NR3C1: variants seen among roughly 807,000 people sequenced by gnomAD.
NR3C1 encodes the protein glucocorticoid receptor.
In NR3C1, 14 loss-of-function variants were observed where a neutral mutation model predicts 74.0. That is an observed-to-expected ratio of 0.19 (90% CI 0.12 to 0.30). NR3C1 has a LOEUF of 0.30. Ranked by LOEUF, NR3C1 falls within the 10% of genes least tolerant of loss-of-function variation. NR3C1 has a pLI of 1.00. For missense variants in NR3C1, 695 were observed against 909.8 expected (o/e 0.76, Z 3.04); for synonymous variants, 308 against 332.5 (o/e 0.93, Z 0.80).
chr5:143,282,191 CAAA>C (rs905360069), intron 8 of NR3C1, 150 bp from the exon 9 acceptor site: 1 of 768,002 alleles, frequency 1.3e-6, no homozygotes, highest in Non-Finnish European at 2.2e-6. Context: ...CACTTCCGTA[CAAA>C]ACACATTTTA....
Position 143,398,356 on chromosome 5 carries a change from G to GTTTTTT in NR3C1, c.1184+1294_1184+1299dup, listed in dbSNP as rs35241746. ...GACATGTAAGAACCAAGGTTTTTTG[G>GTTTTTT]TTTTTTTTTTTTTTTTTTTGACAAC... is the stretch of plus-strand genomic sequence containing the variant. On this transcript the variant is annotated intron_variant, in intron 2 of 8. Transcript: ENST00000394464. 1.5e-4 allele frequency among the ~76,000 whole-genome samples: 13 copies of GTTTTTT among 85,332 alleles called. No individual in the cohort carries two copies. The East Asian group carries it at 2.8e-3, about 18-fold the overall frequency. 56.0% of individuals were successfully genotyped at this position (85,332 alleles called of 152,430 possible). A position where few individuals can be genotyped will look rare whatever the true frequency, so the allele number is the denominator to read the frequency against.
intron 2 of NR3C1, among the ~76,000 whole-genome samples, chr5:143,375,381 T>C (rs867442834): frequency 6.6e-6 from 1 of 152,160 alleles, no homozygotes; most frequent in African/African-American, 2.4e-5. Context: ...CATACACAGA[T>C]ACACACTGCA....
intron 2 of NR3C1, among the ~76,000 whole-genome samples, chr5:143,327,649 T>C (rs1824929781): frequency 6.6e-6 from 1 of 152,224 alleles, no homozygotes; most frequent in South Asian, 2.1e-4. Flanking sequence ...CTGTTCCAAA[T>C]GGGAGAAACT....
rs756497284 is a variant in NR3C1 at position 143,281,947 on chromosome 5, T to C, written c.2276A>G (p.Asn759Ser). The change falls in exon 9 of 9, where the codon AAT (asparagine) becomes AGT (serine). Residue 759 changes from asparagine to serine, a missense_variant. Around this residue, in one of 4 missense-constraint regions of NR3C1, gnomAD observed 133 missense variants for 287.9 expected, o/e 0.46. Transcript: ENST00000394464. ...FPEMLAEIIT[N>S]QIPKYSNGNI... ...TCCATTTGAATATTTTGGTATCTGATTGGTGATGATTTCAGCTAACATCTC... is the reference window on the plus strand; with the variant it reads ...TCCATTTGAATATTTTGGTATCTGACTGGTGATGATTTCAGCTAACATCTC... 9.9e-6 allele frequency: 16 copies of C among 1,613,516 alleles called. No individual in the cohort carries two copies. The highest frequency in any genetic ancestry group is 4.4e-5 in the South Asian group (4 of 91,066).
chr5:143,395,232 TTTTA>T (rs1434239013), intron 2 of NR3C1, among the ~76,000 whole-genome samples: 1 of 151,916 alleles, frequency 6.6e-6, no homozygotes, highest in Non-Finnish European at 1.5e-5. Context: ...AATAGGAATA[TTTTA>T]TTTACTTGAA....
At position 143,298,770 on chromosome 5, in the gene NR3C1, T is replaced by G. The variant is rs1289949538; in HGVS notation, c.1790A>C (p.Gln597Pro). The change falls in exon 6 of 9, where the codon CAG becomes CCG. Residue 597 changes from glutamine (Q) to proline (P), a missense_variant. Coordinates refer to ENST00000394464, the MANE Select transcript of NR3C1 (RefSeq NM_000176.3). ...LHLDDQMTLLQYSWMFLMAFA... is the reference protein window; with the variant it reads ...LHLDDQMTLLPYSWMFLMAFA... ...TGCCATAAGAAACATCCAGGAGTAC[T>G]GCAGTAGGGTCATTTGGTCATCCAG... The G allele has an allele frequency of 6.2e-7, 1 of 1,613,864 alleles. No homozygotes were observed. Among genetic ancestry groups the G allele is most frequent in the Admixed American group, 1.7e-5 (1 of 60,014 alleles).
intron 2 of NR3C1, among the ~76,000 whole-genome samples, chr5:143,338,602 C>A (rs966917988): frequency 6.6e-6 from 1 of 152,036 alleles, no homozygotes; most frequent in African/African-American, 2.4e-5. Flanking sequence ...AAAAAGCTTA[C>A]AGAAGAAGGA....
chr5:143,282,507 C>T (rs1167081960), intron 8 of NR3C1, 61 bp downstream of exon 8: 8 of 1,596,386 alleles, frequency 5.0e-6, no homozygotes, highest in Middle Eastern at 1.7e-4. Context: ...ATTATATTCA[C>T]TAATCAAAAC....
At chr5:143,396,349 T>C (rs138955438) in intron 2 of NR3C1, among the ~76,000 whole-genome samples, 1 of 151,772 alleles carries the variant, frequency 6.6e-6, no homozygotes, top group East Asian at 1.9e-4. Context: ...CATTCAGAAA[T>C]CACTTTACAT....
chr5:143,323,976 A>G (rs2151664166), intron 2 of NR3C1, among the ~76,000 whole-genome samples: 1 of 152,320 alleles, frequency 6.6e-6, no homozygotes, highest in Non-Finnish European at 1.5e-5. Context: ...ATGGATTCCC[A>G]TGGTCTTGGG....
intron 2 of NR3C1, among the ~76,000 whole-genome samples, chr5:143,327,327 A>T (rs1824834493): frequency 1.3e-5 from 2 of 152,134 alleles, no homozygotes; most frequent in African/African-American, 4.8e-5. Flanking sequence ...CCATGATCCA[A>T]CTGCCTCCCA....
chr5:143,387,992 T>G (rs1837558798), intron 2 of NR3C1, among the ~76,000 whole-genome samples: 1 of 152,154 alleles, frequency 6.6e-6, no homozygotes, highest in Non-Finnish European at 1.5e-5. Flanking sequence ...CTTATAAAAG[T>G]GAAAAGCATA....
intron 2 of NR3C1, among the ~76,000 whole-genome samples, chr5:143,385,706 G>C (rs575792076): frequency 1.3e-5 from 2 of 152,272 alleles, no homozygotes; most frequent in East Asian, 3.9e-4. Context: ...ATCTCCACCT[G>C]AGACCACCTC....
chr5:143,344,610 C>T (rs1363204644), intron 2 of NR3C1, among the ~76,000 whole-genome samples: 26 of 152,278 alleles, frequency 1.7e-4, no homozygotes, highest in South Asian at 1.7e-3. Context: ...CGGTAGCTCA[C>T]GCCTGTAATC....
intron 2 of NR3C1, among the ~76,000 whole-genome samples, chr5:143,390,848 T>C (rs1425077779): frequency 6.6e-6 from 1 of 152,186 alleles, no homozygotes; most frequent in Non-Finnish European, 1.5e-5. Context: ...CTCATATGAT[T>C]TGGAGTCACA....
At chr5:143,386,311 T>C (rs1837210591) in intron 2 of NR3C1, among the ~76,000 whole-genome samples, 1 of 152,240 alleles carries the variant, frequency 6.6e-6, no homozygotes, top group African/African-American at 2.4e-5. Context: ...CATTTATATT[T>C]AGAAAAAAAG....
intron 7 of NR3C1, among the ~76,000 whole-genome samples, chr5:143,292,395 A>C (rs1816139352): frequency 6.6e-6 from 1 of 152,114 alleles, no homozygotes; most frequent in African/African-American, 2.4e-5. Flanking sequence ...TGTGACTTTC[A>C]GAAATGAGAC....
At chr5:143,398,218 A>T (rs1839578982) in intron 2 of NR3C1, among the ~76,000 whole-genome samples, 4 of 152,096 alleles carry the variant, frequency 2.6e-5, no homozygotes, top group Admixed American at 2.6e-4. Context: ...AATAATAAAG[A>T]TCTCAAATCT....
In NR3C1 at chr5:143,310,276, G is replaced by A. The variant is rs1199776320; in HGVS notation, c.1352-63C>T. On this transcript the variant is annotated intron_variant, in intron 3 of 8. Transcript: ENST00000394464. ...TCTTCAAACATATTTTATAAGGACAGCCTCTGTCTTTGTTTCCGGTGGAAT... is the reference window on the plus strand; with the variant it reads ...TCTTCAAACATATTTTATAAGGACAACCTCTGTCTTTGTTTCCGGTGGAAT... 5 of 1,179,298 alleles carry A rather than the reference G, an allele frequency of 4.2e-6. No homozygotes were observed. The African/African-American group carries it at 6.0e-5, about 14-fold the overall frequency. 73.1% of individuals were successfully genotyped at this position (1,179,298 alleles called of 1,614,324 possible). A position where few individuals can be genotyped will look rare whatever the true frequency, so the allele number is the denominator to read the frequency against.
Sources: allele counts gnomAD v4.1 joint callset (sites outside exome capture counted in the v4.1 genomes callset), GRCh38; gene constraint gnomAD v4.1.1; regional missense constraint gnomAD v4.1.1; transcripts MANE v1.5; gene names NCBI Gene and HGNC (gene_info 2026-07-23, HGNC 2026-07-21).